Variants in CACNA2D3 observed in about 807,000 individuals in gnomAD.
CACNA2D3 encodes the protein calcium voltage-gated channel auxiliary subunit alpha2delta 3.
In CACNA2D3, 60 loss-of-function variants were observed where a neutral mutation model predicts 160.6. The ratio of observed to expected loss-of-function variants is 0.37; its 90% CI spans 0.30 to 0.46. The LOEUF is 0.46. CACNA2D3 is among the 20% of genes least tolerant of loss of function. The probability of loss-of-function intolerance (pLI) is 1.00; values close to 1 mark genes in which losing one functional copy is unlikely to be tolerated. For missense variants in CACNA2D3, 1,205 were observed against 1,365.0 expected (o/e 0.88, Z 1.85); for synonymous variants, 558 against 492.9 (o/e 1.13, Z -1.75).
intron 2 of CACNA2D3, among the ~76,000 whole-genome samples, chr3:54,316,160 C>G (rs1214429672): frequency 6.6e-6 from 1 of 151,932 alleles, no homozygotes; most frequent in African/African-American, 2.4e-5. Context: ...CGTTGTGACA[C>G]TATTTCCTGT....
At chr3:54,507,025 TATACAC>T (rs1701382126) in intron 5 of CACNA2D3, among the ~76,000 whole-genome samples, 1 of 152,196 alleles carries the variant, frequency 6.6e-6, no homozygotes, top group Non-Finnish European at 1.5e-5. Flanking sequence ...ATACAGTACA[TATACAC>T]ATACACCTTA....
At chr3:54,167,669 G>A (rs11719463) in intron 2 of CACNA2D3, among the ~76,000 whole-genome samples, 67,532 of 151,974 alleles carry the variant, frequency 0.44, 15,124 homozygotes, top group South Asian at 0.57. Flanking sequence ...CATTACTTGG[G>A]GTGCAGAGGA....
intron 13 of CACNA2D3, among the ~76,000 whole-genome samples, chr3:54,816,428 C>G (rs1703457333): frequency 6.6e-6 from 1 of 152,154 alleles, no homozygotes; most frequent in Non-Finnish European, 1.5e-5. Flanking sequence ...AGCTCTCGCT[C>G]CCTTCCCTTT....
intron 6 of CACNA2D3, among the ~76,000 whole-genome samples, chr3:54,566,376 G>C (rs1288122419): frequency 6.6e-6 from 1 of 152,206 alleles, no homozygotes; most frequent in Admixed American, 6.5e-5. Flanking sequence ...CCAGGAGGCA[G>C]AGGATCAAAG....
chr3:54,788,775 G>C (rs934768252), intron 13 of CACNA2D3, among the ~76,000 whole-genome samples: 6 of 152,180 alleles, frequency 3.9e-5, no homozygotes, highest in Admixed American at 1.3e-4. Flanking sequence ...GTATAACAAA[G>C]TTAAAGTGCT....
intron 4 of CACNA2D3, among the ~76,000 whole-genome samples, chr3:54,426,536 C>T (rs1158054425): frequency 6.6e-6 from 1 of 152,198 alleles, no homozygotes; most frequent in African/African-American, 2.4e-5. Context: ...TGATGCACCT[C>T]CCTACTGAGC....
chr3:54,772,587 C>G (rs905537428), intron 13 of CACNA2D3, among the ~76,000 whole-genome samples: 1 of 152,076 alleles, frequency 6.6e-6, no homozygotes, highest in Non-Finnish European at 1.5e-5. Flanking sequence ...CTTGGCTGTT[C>G]TGTTCAATTT....
intron 4 of CACNA2D3, among the ~76,000 whole-genome samples, chr3:54,388,562 G>A (rs1258106763): frequency 6.6e-6 from 1 of 152,222 alleles, no homozygotes; most frequent in Non-Finnish European, 1.5e-5. Flanking sequence ...TGGAAACATT[G>A]GAAGAGGAGT....
chr3:54,182,814 G>A lies in CACNA2D3; in HGVS notation c.204+59220G>A, dbSNP rs890551381. 6.6e-5 allele frequency among the ~76,000 whole-genome samples: 10 copies of A among 152,238 alleles called. No homozygotes were observed. In the East Asian group the frequency reaches 1.9e-3, roughly 29 times the overall value. On this transcript the variant is annotated intron_variant, in intron 2 of 37. Coordinates refer to ENST00000474759, the MANE Select transcript of CACNA2D3 (RefSeq NM_018398.3). ...ACAGGCTGGAAAATAAATCCTGGAA[G>A]CACCATATAGCTCAAGAGACAATTT... is the stretch of plus-strand genomic sequence containing the variant.
At chr3:54,250,535 G>T (rs946225713) in intron 2 of CACNA2D3, among the ~76,000 whole-genome samples, 4 of 152,190 alleles carry the variant, frequency 2.6e-5, no homozygotes, top group Admixed American at 6.5e-5. Flanking sequence ...CTGGGCTCAA[G>T]TGATCCTCTC....
intron 27 of CACNA2D3, among the ~76,000 whole-genome samples, chr3:54,914,083 A>G (rs977392246): frequency 6.6e-6 from 1 of 152,198 alleles, no homozygotes; most frequent in Non-Finnish European, 1.5e-5. Flanking sequence ...TGTGTTATCT[A>G]TGCTAACCCC....
intron 24 of CACNA2D3, among the ~76,000 whole-genome samples, chr3:54,889,456 C>T (rs13320480): frequency 0.043 from 6,483 of 152,174 alleles, 370 homozygotes; most frequent in African/African-American, 0.13. Context: ...GCAAGGTCTC[C>T]AGGACTTGAT....
chr3:54,170,977 G>C (rs1700551201), intron 2 of CACNA2D3, among the ~76,000 whole-genome samples: 1 of 151,722 alleles, frequency 6.6e-6, no homozygotes, highest in Non-Finnish European at 1.5e-5. Flanking sequence ...GATAGAGAGA[G>C]CCTAGACAGG....
rs1703129726 is a variant in CACNA2D3, at chr3:55,007,840, C to T, written c.2817C>T (p.Val939=). 3.2e-6 allele frequency: 5 copies of T among 1,540,890 alleles called. No homozygotes were observed. Among genetic ancestry groups the T allele is most frequent in the Non-Finnish European group, 4.4e-6 (5 of 1,147,388 alleles). ...SAVKWIMTEL[V]LFLVEFNLCS... is the part of the protein sequence containing the mutation. ...TAAAATGGATCATGACAGAACTTGT[C>T]TTGTAAGTAAAATCTGCTGCATTTT... Residue 939 remains valine, a splice_region_variant and synonymous_variant, in exon 33 of 38, where the codon GTC becomes GTT. Coordinates refer to ENST00000474759, the MANE Select transcript of CACNA2D3 (RefSeq NM_018398.3).
chr3:54,764,956 G>T (rs146924052), intron 13 of CACNA2D3, among the ~76,000 whole-genome samples: 1 of 152,202 alleles, frequency 6.6e-6, no homozygotes, highest in Non-Finnish European at 1.5e-5. Flanking sequence ...CAATCATCAA[G>T]TAATGGCTCA....
At chr3:54,631,370 C>T (rs553673504) in intron 10 of CACNA2D3, among the ~76,000 whole-genome samples, 135 of 152,260 alleles carry the variant, frequency 8.9e-4, no homozygotes, top group African/African-American at 2.8e-3. Flanking sequence ...AATAGCTAAA[C>T]TCTTTGACAA....
At chr3:55,063,700 T>G (rs1401556294) in intron 35 of CACNA2D3, among the ~76,000 whole-genome samples, 1 of 152,086 alleles carries the variant, frequency 6.6e-6, no homozygotes, top group African/African-American at 2.4e-5. Context: ...ATAAAGGCCC[T>G]GTTTGCTTCA....
At chr3:54,648,402 C>T (rs903705974) in intron 11 of CACNA2D3, among the ~76,000 whole-genome samples, 32 of 152,154 alleles carry the variant, frequency 2.1e-4, no homozygotes, top group South Asian at 4.1e-4. Context: ...CCAGATGGCC[C>T]GTGAAGCCTG....
intron 27 of CACNA2D3, among the ~76,000 whole-genome samples, chr3:54,904,612 T>G (rs371992456): frequency 3.9e-5 from 6 of 152,348 alleles, no homozygotes; most frequent in African/African-American, 1.4e-4. Context: ...TCATTTTGAT[T>G]TCTTAGATAG....
Sources: allele counts gnomAD v4.1 joint callset (sites outside exome capture counted in the v4.1 genomes callset), GRCh38; gene constraint gnomAD v4.1.1; transcripts MANE v1.5; gene names NCBI Gene and HGNC (gene_info 2026-07-23, HGNC 2026-07-21).